Variants in ISCA2 observed in about 807,000 individuals in gnomAD.
ISCA2 encodes iron-sulfur cluster assembly 2 homolog, mitochondrial.
Under a neutral mutation model 19.1 loss-of-function variants are expected in ISCA2, and 21 were observed. The ratio of observed to expected loss-of-function variants is 1.10; its 90% CI spans 0.78 to 1.59. The LOEUF is 1.59. ISCA2 is among the 40% of genes most tolerant of loss of function. The pLI, the probability that ISCA2 is intolerant of heterozygous loss-of-function variation, is 0.00. For synonymous variants in ISCA2, 107 were observed against 83.8 expected, an observed-to-expected ratio of 1.28 and a Z score of -1.51; for missense variants, 181 against 191.7, an observed-to-expected ratio of 0.94 and a Z score of 0.33.
chr14:74,494,230 A>G (rs777920615), intron 2 of ISCA2, 45 bp from the exon 3 acceptor site: 3 of 1,597,996 alleles, frequency 1.9e-6, no homozygotes, highest in Non-Finnish European at 2.6e-6. Context: ...TCAGCCCTTT[A>G]ACTCCCGTTT....
In ISCA2 at chr14:74,494,281, T is replaced by C. The variant is rs2086819627; in HGVS notation, c.181T>C (p.Leu61=). 1.2e-6 allele frequency: 2 copies of C among 1,613,918 alleles called. No individual in the cohort carries two copies. Among genetic ancestry groups the C allele is most frequent in the Non-Finnish European group, 1.7e-6 (2 of 1,179,710 alleles). Residue 61 remains leucine, a synonymous_variant, in exon 3 of 4, where the codon TTG becomes CTG. Transcript: ENST00000556816. ...RLTDSCVQRL[L]EITEGSEFLR... Reference sequence around the variant, plus strand: ...CCCCCTTCCTGCATTTCAGAGGCTTTTGGAAATCACCGAAGGGTCAGAATT... The same window carrying C: ...CCCCCTTCCTGCATTTCAGAGGCTTCTGGAAATCACCGAAGGGTCAGAATT...
At chr14:74,494,010 C>G (rs545163062) in intron 1 of ISCA2, 40 bp from the exon 2 acceptor site, 1 of 1,509,710 alleles carries the variant, frequency 6.6e-7, no homozygotes, top group South Asian at 1.2e-5. Flanking sequence ...TGCAAGGTGC[C>G]CCTTCTGCTC....
chr14:74,493,993 C>T lies in ISCA2; in HGVS notation c.72-57C>T. ...AGGTTTAGCGTGAGGCGCTCCAGGT[C>T]GAGGGTTGCAAGGTGCCCCTTCTGC... On this transcript the variant is annotated intron_variant, in intron 1 of 3. Coordinates refer to ENST00000556816, the MANE Select transcript of ISCA2 (RefSeq NM_194279.4). The surrounding 1 kb of genome is among the most constrained non-coding windows in gnomAD (Gnocchi z 4.1). 1 of 1,494,468 alleles carries T rather than the reference C, an allele frequency of 6.7e-7. No individual in the cohort carries two copies. Among genetic ancestry groups the T allele is most frequent in the East Asian group, 2.5e-5 (1 of 40,296 alleles). 92.6% of individuals were successfully genotyped at this position (1,494,468 alleles called of 1,614,324 possible). A position where few individuals can be genotyped will look rare whatever the true frequency, so the allele number is the denominator to read the frequency against.
At chr14:74,494,584 C>T in intron 3 of ISCA2, 194 bp downstream of exon 3, 1 of 625,704 alleles carries the variant, frequency 1.6e-6, no homozygotes, top group Non-Finnish European at 2.8e-6. Context: ...AATTGATCTG[C>T]CCAGGTCCAT....
In ISCA2 at chr14:74,493,915, G is replaced by A. The variant is rs2086812350; in HGVS notation, c.71+70G>A. Reference sequence around the variant, plus strand: ...GCCTCTAGGACAAATGGGAAACTAAGGCCTGTGGGGGATGCGAGGGTTTGG... The same window carrying A: ...GCCTCTAGGACAAATGGGAAACTAAAGCCTGTGGGGGATGCGAGGGTTTGG... On this transcript the variant is annotated intron_variant, in intron 1 of 3. Transcript: ENST00000556816. The surrounding 1 kb of genome is among the most constrained non-coding windows in gnomAD (Gnocchi z 4.1). 4 of 1,494,884 alleles carry A rather than the reference G, an allele frequency of 2.7e-6. No individual in the cohort carries two copies. Among genetic ancestry groups the A allele is most frequent in the African/African-American group, 2.8e-5 (2 of 71,782 alleles). 92.6% of individuals were successfully genotyped at this position (1,494,884 alleles called of 1,614,324 possible).
chr14:74,494,721 A>G lies in ISCA2; in HGVS notation c.291-105A>G, dbSNP rs2086826733. 9.4e-6 allele frequency: 9 copies of G among 953,300 alleles called. No individual in the cohort carries two copies. The South Asian group carries it at 1.3e-4, about 14-fold the overall frequency. The allele number at this position is 953,300 out of a possible 1,614,324, so 59.1% of individuals were successfully genotyped here. ...CAGCACCTGTTAAAGGTAATGGGGAAGCTCCCTCTGTACTTTAGAAAACAG... is the reference window on the plus strand; with the variant it reads ...CAGCACCTGTTAAAGGTAATGGGGAGGCTCCCTCTGTACTTTAGAAAACAG... On this transcript the variant is annotated intron_variant, in intron 3 of 3. Transcript: ENST00000556816.
chr14:74,497,104 C>CT lies in ISCA2; in HGVS notation c.*2105dup, dbSNP rs2086855142. On this transcript the variant is annotated 3_prime_UTR_variant, in exon 4 of 4. Coordinates refer to ENST00000556816, the MANE Select transcript of ISCA2 (RefSeq NM_194279.4). ...CCAGCCTGGGTGGCAGAGTGAGACT[C>CT]TGTCTCAAAAAAAAAAAAAAAAAAA... The CT allele has an allele frequency of 9.5e-6, 1 of 105,104 alleles. No homozygotes were observed. The highest frequency in any genetic ancestry group is 1.4e-4 in the Admixed American group (1 of 7,184). The allele number at this position is 105,104 out of a possible 1,614,324, so 6.5% of individuals were successfully genotyped here. A position where few individuals can be genotyped will look rare whatever the true frequency, so the allele number is the denominator to read the frequency against.
intron 3 of ISCA2, 69 bp from the exon 4 acceptor site, chr14:74,494,757 C>T: frequency 7.2e-7 from 1 of 1,392,012 alleles, no homozygotes; most frequent in South Asian, 1.3e-5. Flanking sequence ...AGGATGTGCA[C>T]CTCTGGGCTC....
In ISCA2 at chr14:74,493,920, G is replaced by A; in HGVS notation, c.71+75G>A. ...TAGGACAAATGGGAAACTAAGGCCT[G>A]TGGGGGATGCGAGGGTTTGGTGGGA... On this transcript the variant is annotated intron_variant, in intron 1 of 3. Transcript: ENST00000556816. The surrounding 1 kb of genome is among the most constrained non-coding windows in gnomAD (Gnocchi z 4.1). The A allele has an allele frequency of 4.7e-6, 7 of 1,491,884 alleles. No homozygotes were observed. The South Asian group carries it at 7.2e-5, about 15-fold the overall frequency. The allele number at this position is 1,491,884 out of a possible 1,614,324, so 92.4% of individuals were successfully genotyped here.
chr14:74,495,022 G>C lies in ISCA2; in HGVS notation c.*22G>C, dbSNP rs188369908. ...TTGATGTGATGACTGGTGACTCTGGGATTGTCACCAGTTGTACCAATTTGA... is the reference window on the plus strand; with the variant it reads ...TTGATGTGATGACTGGTGACTCTGGCATTGTCACCAGTTGTACCAATTTGA... On this transcript the variant is annotated 3_prime_UTR_variant, in exon 4 of 4. Transcript: ENST00000556816. 1 of 1,572,346 alleles carries C rather than the reference G, an allele frequency of 6.4e-7. No individual in the cohort carries two copies. Among genetic ancestry groups the C allele is most frequent in the Non-Finnish European group, 8.7e-7 (1 of 1,144,840 alleles).
rs770976013 is a variant in ISCA2, at chr14:74,494,235, C to T, written c.175-40C>T. 1.8e-5 allele frequency: 28 copies of T among 1,599,406 alleles called. 1 individual carries two copies. In the South Asian group the frequency reaches 3.0e-4, roughly 17 times the overall value. On this transcript the variant is annotated intron_variant, in intron 2 of 3. Transcript: ENST00000556816. ...TGCTCTTCACTCAGCCCTTTAACTC[C>T]CGTTTCCCGCTATTCTTGATCCCCC...
Position 74,494,087 on chromosome 14 carries a change from G to A in ISCA2, c.109G>A (p.Glu37Lys). 1 of 1,562,406 alleles carries A rather than the reference G, an allele frequency of 6.4e-7. No individual in the cohort carries two copies. Among genetic ancestry groups the A allele is most frequent in the Non-Finnish European group, 8.6e-7 (1 of 1,157,538 alleles). Residue 37 changes from glutamate (E) to lysine (K), a missense_variant, in exon 2 of 4, where the codon GAG becomes AAG. Transcript: ENST00000556816. ...CTCCCTGGGACCCCAGGCGCGTCGG[G>A]AGGCGTCGTCCTCCAGCCCCGAGGC... ...TASLGPQARR[E>K]ASSSSPEAGE... is the part of the protein sequence containing the mutation.
chr14:74,493,969 G>C lies in ISCA2; in HGVS notation c.72-81G>C, dbSNP rs181155190. On this transcript the variant is annotated intron_variant, in intron 1 of 3. Coordinates refer to ENST00000556816, the MANE Select transcript of ISCA2 (RefSeq NM_194279.4). This position sits in a 1 kb window ranked among gnomAD's most constrained non-coding sequence, Gnocchi z 4.1. ...GAGGCCGTCCAGGTGGGGGTCGCCA[G>C]GTTTAGCGTGAGGCGCTCCAGGTCG... The C allele has an allele frequency of 1.4e-5, 21 of 1,480,288 alleles. No homozygotes were observed. The East Asian group carries it at 5.2e-4, about 37-fold the overall frequency. The allele number at this position is 1,480,288 out of a possible 1,614,324, so 91.7% of individuals were successfully genotyped here. A position where few individuals can be genotyped will look rare whatever the true frequency, so the allele number is the denominator to read the frequency against.
At position 74,495,825 on chromosome 14, in the gene ISCA2, G is replaced by T. The variant is rs556260723; in HGVS notation, c.*825G>T. The T allele has an allele frequency of 1.3e-5, 2 of 152,142 alleles. No individual in the cohort carries two copies. The highest frequency in any genetic ancestry group is 2.9e-5 in the Non-Finnish European group (2 of 68,016). 9.4% of individuals were successfully genotyped at this position (152,142 alleles called of 1,614,324 possible). A position where few individuals can be genotyped will look rare whatever the true frequency, so the allele number is the denominator to read the frequency against. On this transcript the variant is annotated 3_prime_UTR_variant, in exon 4 of 4. Coordinates refer to ENST00000556816, the MANE Select transcript of ISCA2 (RefSeq NM_194279.4). ...ATAGATTCTTGGGAACCTTTTTTTA[G>T]ATTGGGTTACCAGATGAAATGTAGG...
In ISCA2 at chr14:74,493,896, A is replaced by T. The variant is rs2086812143; in HGVS notation, c.71+51A>T. 1 of 1,523,414 alleles carries T rather than the reference A, an allele frequency of 6.6e-7. No homozygotes were observed. Among genetic ancestry groups the T allele is most frequent in the African/African-American group, 1.4e-5 (1 of 72,516 alleles). 94.4% of individuals were successfully genotyped at this position (1,523,414 alleles called of 1,614,324 possible). ...AAAGGGTGTTTGGTTCTGCGCCTCT[A>T]GGACAAATGGGAAACTAAGGCCTGT... On this transcript the variant is annotated intron_variant, in intron 1 of 3. Coordinates refer to ENST00000556816, the MANE Select transcript of ISCA2 (RefSeq NM_194279.4). The surrounding 1 kb of genome is among the most constrained non-coding windows in gnomAD (Gnocchi z 4.1).
In ISCA2 at chr14:74,494,159, G is replaced by A. The variant is rs559667918; in HGVS notation, c.174+7G>A. Reference sequence around the variant, plus strand: ...CACAGACAGTTGCGTCCAGGTAGGAGGCCGGACGCGGAGCGGCGGTACCCA... The same window carrying A: ...CACAGACAGTTGCGTCCAGGTAGGAAGCCGGACGCGGAGCGGCGGTACCCA... On this transcript the variant is annotated splice_region_variant and intron_variant, in intron 2 of 3. Transcript: ENST00000556816. 5 of 1,586,160 alleles carry A rather than the reference G, an allele frequency of 3.2e-6. No homozygotes were observed. Among genetic ancestry groups the A allele is most frequent in the Non-Finnish European group, 2.6e-6 (3 of 1,165,668 alleles).
rs952649184 is a variant in ISCA2, at chr14:74,496,567, C to T, written c.*1567C>T. On this transcript the variant is annotated 3_prime_UTR_variant, in exon 4 of 4. Coordinates refer to ENST00000556816, the MANE Select transcript of ISCA2 (RefSeq NM_194279.4). ...ACCTGCGCCTGATAGGGTTTCAGTTCAGACTACCTGTCCTTTCATCCTCCT... is the reference window on the plus strand; with the variant it reads ...ACCTGCGCCTGATAGGGTTTCAGTTTAGACTACCTGTCCTTTCATCCTCCT... 1 of 152,176 alleles carries T rather than the reference C, an allele frequency of 6.6e-6. No individual in the cohort carries two copies. The highest frequency in any genetic ancestry group is 2.4e-5 in the African/African-American group (1 of 41,448). The allele number at this position is 152,176 out of a possible 1,614,324, so 9.4% of individuals were successfully genotyped here.
chr14:74,493,785 C>T lies in ISCA2; in HGVS notation c.11C>T (p.Ala4Val), dbSNP rs1214092510. 3 of 1,528,702 alleles carry T rather than the reference C, an allele frequency of 2.0e-6. No homozygotes were observed. Among genetic ancestry groups the T allele is most frequent in the Non-Finnish European group, 2.6e-6 (3 of 1,140,586 alleles). 94.7% of individuals were successfully genotyped at this position (1,528,702 alleles called of 1,614,324 possible). A position where few individuals can be genotyped will look rare whatever the true frequency, so the allele number is the denominator to read the frequency against. The change falls in exon 1 of 4, where the codon GCC becomes GTC. Residue 4 changes from alanine to valine, a missense_variant. By Grantham distance (64) the Ala-to-Val change is moderately conservative. Coordinates refer to ENST00000556816, the MANE Select transcript of ISCA2 (RefSeq NM_194279.4). This position sits in a 1 kb window ranked among gnomAD's most constrained non-coding sequence, Gnocchi z 4.1. ...AGCTTGTGGAGGAAGATGGCTGCCG[C>T]CTGGGGGTCGTCCCTAACGGCCGCG... MAA[A>V]WGSSLTAATQ...
intron 1 of ISCA2, 22 bp from the exon 2 acceptor site, chr14:74,494,028 C>T (rs2139677847): frequency 1.3e-6 from 2 of 1,527,202 alleles, no homozygotes; most frequent in Non-Finnish European, 1.8e-6. Context: ...CTCCCGGGCT[C>T]ACCCTCCTCC....
Sources: allele counts gnomAD v4.1 joint callset, GRCh38; gene constraint gnomAD v4.1.1; non-coding constraint Gnocchi (gnomAD v3.1); transcripts MANE v1.5; gene names NCBI Gene and HGNC (gene_info 2026-07-23, HGNC 2026-07-21).